The following SLC44A3 variants were observed in gnomAD, a reference collection of about 807,000 sequenced individuals.
SLC44A3 encodes the protein choline transporter-like protein 3.
In SLC44A3, 74 loss-of-function variants were observed where a neutral mutation model predicts 75.4. The ratio of observed to expected loss-of-function variants is 0.98; its 90% CI spans 0.81 to 1.19. The LOEUF (loss-of-function observed/expected upper bound fraction) is 1.19, where lower values mean the gene tolerates loss of function less well. SLC44A3 is among the 50% of genes most tolerant of loss of function. SLC44A3 has a pLI of 0.00. For synonymous variants in SLC44A3, 310 were observed against 296.9 expected (o/e 1.04, Z -0.45); for missense variants, 700 against 778.6 (o/e 0.90, Z 1.20).
chr1:94,876,058 A>G (rs895266839), intron 12 of SLC44A3, among the ~76,000 whole-genome samples: 1 of 152,168 alleles, frequency 6.6e-6, no homozygotes, highest in Admixed American at 6.5e-5. Flanking sequence ...GACTCCTCCT[A>G]TGCCCTCCCA....
intron 5 of SLC44A3, among the ~76,000 whole-genome samples, chr1:94,830,367 C>A (rs1661960796): frequency 6.6e-6 from 1 of 152,146 alleles, no homozygotes; most frequent in Admixed American, 6.6e-5. Context: ...CGCATGCCAC[C>A]ATACCCAGCT....
chr1:94,821,013 A>T lies in SLC44A3; in HGVS notation c.92A>T (p.Asp31Val), dbSNP rs922426624. ...WRPQIYRKCT[D>V]TAWLFLFFLF... ...CCCCAGATTTATAGGAAATGCACAG[A>T]TACGGCATGGTTATTCCTGTTCTTT... The change falls in exon 2 of 15, where the codon GAT (aspartate) becomes GTT (valine). Residue 31 changes from aspartate to valine, a missense_variant. Coordinates refer to ENST00000271227, the MANE Select transcript of SLC44A3 (RefSeq NM_001114106.3). The T allele has an allele frequency of 1.9e-6, 3 of 1,551,434 alleles. No homozygotes were observed. In the African/African-American group the frequency reaches 4.1e-5, roughly 21 times the overall value.
At chr1:94,825,395 A>T (rs568112860) in intron 3 of SLC44A3, among the ~76,000 whole-genome samples, 1 of 152,172 alleles carries the variant, frequency 6.6e-6, no homozygotes, top group South Asian at 2.1e-4. Flanking sequence ...CAGTGGGGAG[A>T]TCTCAGCTCA....
chr1:94,830,067 CAA>C (rs1411820830), intron 5 of SLC44A3, among the ~76,000 whole-genome samples: 3 of 152,180 alleles, frequency 2.0e-5, no homozygotes, highest in East Asian at 1.9e-4. Context: ...CTCACAAACA[CAA>C]AGAGACTTGA....
Position 94,820,486 on chromosome 1 carries a change from C to A in SLC44A3, c.27+8C>A. ...CTGGGCGCCGAGTACCTGGTAAGCGCTCGCAGCCTCGGCCCTCGGGGGAGG... is the reference window on the plus strand; with the variant it reads ...CTGGGCGCCGAGTACCTGGTAAGCGATCGCAGCCTCGGCCCTCGGGGGAGG... On this transcript the variant is annotated splice_region_variant and intron_variant, in intron 1 of 14. Coordinates refer to ENST00000271227, the MANE Select transcript of SLC44A3 (RefSeq NM_001114106.3). 6.7e-7 allele frequency: 1 copy of A among 1,493,300 alleles called. No homozygotes were observed. The highest frequency in any genetic ancestry group is 8.9e-7 in the Non-Finnish European group (1 of 1,124,150). The allele number at this position is 1,493,300 out of a possible 1,614,324, so 92.5% of individuals were successfully genotyped here. A position where few individuals can be genotyped will look rare whatever the true frequency, so the allele number is the denominator to read the frequency against.
chr1:94,847,488 T>A (rs962410828), intron 9 of SLC44A3, among the ~76,000 whole-genome samples: 1 of 152,150 alleles, frequency 6.6e-6, no homozygotes, highest in Non-Finnish European at 1.5e-5. Context: ...AAATGTAGTT[T>A]CATTTTGGGC....
At chr1:94,844,082 C>A (rs1197835974) in intron 8 of SLC44A3, among the ~76,000 whole-genome samples, 1 of 152,148 alleles carries the variant, frequency 6.6e-6, no homozygotes, top group African/African-American at 2.4e-5. Flanking sequence ...AATGGCCCTG[C>A]TCTCTAGGAG....
In SLC44A3 at chr1:94,857,383, C is replaced by A. The variant is rs146768701; in HGVS notation, c.1121C>A (p.Ser374Ter). The stretch of plus-strand genomic sequence containing the variant: ...GGCCAAGTGGAATATAAGCCCCTTT[C>A]GGGCATTCGGTACATGTGGTCGTAC... Reference protein sequence around the residue: ...EGGQVEYKPLSGIRYMWSYHL... With the variant: ...EGGQVEYKPL The change falls in exon 10 of 15, where the codon TCG becomes TAG. Residue 374 changes from serine to a stop codon, truncating the protein, a stop_gained. Transcript: ENST00000271227. LOFTEE classifies it high-confidence loss of function. 1.5e-5 allele frequency: 24 copies of A among 1,613,310 alleles called. No individual in the cohort carries two copies. In the Admixed American group the frequency reaches 3.5e-4, roughly 24 times the overall value.
At chr1:94,848,348 A>T (rs1664731636) in intron 9 of SLC44A3, among the ~76,000 whole-genome samples, 1 of 152,138 alleles carries the variant, frequency 6.6e-6, no homozygotes, top group South Asian at 2.1e-4. Flanking sequence ...GGAGGTTGAC[A>T]GCTAGAGCCA....
intron 1 of SLC44A3, 157 bp downstream of exon 1, chr1:94,820,635 C>A: frequency 7.2e-7 from 1 of 1,383,810 alleles, no homozygotes; most frequent in East Asian, 2.8e-5. Flanking sequence ...CGGGGAGGAA[C>A]CTGGACCCTG....
At chr1:94,885,689 C>T (rs910398393) in intron 12 of SLC44A3, among the ~76,000 whole-genome samples, 3 of 152,154 alleles carry the variant, frequency 2.0e-5, no homozygotes, top group African/African-American at 4.8e-5. Flanking sequence ...CGCGTGGAAC[C>T]GGGGGCACAC....
chr1:94,879,559 G>C (rs985345161), intron 12 of SLC44A3, among the ~76,000 whole-genome samples: 2 of 127,994 alleles, frequency 1.6e-5, no homozygotes, highest in Non-Finnish European at 3.3e-5. Context: ...AAAAAAAAAG[G>C]CTGGGCGCAG....
chr1:94,888,760 C>G, intron 12 of SLC44A3: 1 of 834,192 alleles, frequency 1.2e-6, no homozygotes, highest in Non-Finnish European at 1.4e-6. Flanking sequence ...GGCGGAGTCT[C>G]GCTCTGTCAC....
chr1:94,890,467 C>G (rs1434068713), intron 12 of SLC44A3, among the ~76,000 whole-genome samples: 1 of 152,150 alleles, frequency 6.6e-6, no homozygotes, highest in Non-Finnish European at 1.5e-5. Flanking sequence ...AATTTTAACA[C>G]TCTTAGGCAC....
At chr1:94,878,111 G>A (rs61772586) in intron 12 of SLC44A3, among the ~76,000 whole-genome samples, 8 of 152,132 alleles carry the variant, frequency 5.3e-5, no homozygotes, top group Non-Finnish European at 8.8e-5. Flanking sequence ...GCGGGCGCCT[G>A]TAGTCCCAGC....
chr1:94,832,779 G>C (rs185482438), intron 5 of SLC44A3, among the ~76,000 whole-genome samples: 288 of 152,276 alleles, frequency 1.9e-3, no homozygotes, highest in Non-Finnish European at 3.2e-3. Context: ...TTCAAGACCA[G>C]CCTGGACAAC....
chr1:94,822,102 G>A (rs1226274662), intron 2 of SLC44A3, among the ~76,000 whole-genome samples: 1 of 152,162 alleles, frequency 6.6e-6, no homozygotes, highest in East Asian at 1.9e-4. Flanking sequence ...TAAATGCAGG[G>A]AGCAGCTGGC....
rs1160159682 is a variant in SLC44A3 at position 94,820,380 on chromosome 1, G to T, written c.-72G>T. On this transcript the variant is annotated 5_prime_UTR_variant, in exon 1 of 15. Coordinates refer to ENST00000271227, the MANE Select transcript of SLC44A3 (RefSeq NM_001114106.3). ...CCAGCCCCGGCCCCGGCCCCGGCTC[G>T]CGGGCGCTGCGTCTCCGCGTACAGG... 4 of 1,311,664 alleles carry T rather than the reference G, an allele frequency of 3.0e-6. No individual in the cohort carries two copies. In the African/African-American group the frequency reaches 6.8e-5, roughly 22 times the overall value. 81.3% of individuals were successfully genotyped at this position (1,311,664 alleles called of 1,614,324 possible).
chr1:94,844,003 G>A (rs1309313778), intron 8 of SLC44A3, among the ~76,000 whole-genome samples: 2 of 152,130 alleles, frequency 1.3e-5, no homozygotes, highest in Admixed American at 6.5e-5. Flanking sequence ...AGGCATGAGC[G>A]GTATTGAGGA....
Sources: allele counts gnomAD v4.1 joint callset (sites outside exome capture counted in the v4.1 genomes callset), GRCh38; gene constraint gnomAD v4.1.1; transcripts MANE v1.5; gene names NCBI Gene and HGNC (gene_info 2026-07-23, HGNC 2026-07-21).